The following ARHGAP9 variants were observed in gnomAD, a reference collection of about 807,000 sequenced individuals.
The protein encoded by ARHGAP9 is rho GTPase-activating protein 9.
A neutral mutation model predicts 87.3 loss-of-function variants in ARHGAP9; 76 were observed. That is an observed-to-expected ratio of 0.87 (90% confidence interval 0.72 to 1.05). ARHGAP9 has a LOEUF of 1.05. Among genes scored for constraint, ARHGAP9 ranks in the 50% least tolerant of loss-of-function variants. ARHGAP9 has a pLI of 0.00. For missense variants in ARHGAP9, 941 were observed against 960.5 expected (o/e 0.98, Z 0.27); for synonymous variants, 382 against 394.9 (o/e 0.97, Z 0.39).
At chr12:57,485,299 T>C (rs1375198097) in intron 1 of ARHGAP9, among the ~76,000 whole-genome samples, 1 of 151,028 alleles carries the variant, frequency 6.6e-6, no homozygotes, top group African/African-American at 2.4e-5. Context: ...CTCATGCCTG[T>C]AATCCCAGCG....
In ARHGAP9 at chr12:57,473,641, G is replaced by T. The variant is rs1472068677; in HGVS notation, c.1986C>A (p.Asn662Lys). Residue 662 changes from asparagine to lysine, a missense_variant, in exon 17 of 18, where the codon AAC becomes AAA. Coordinates refer to ENST00000393791, the MANE Select transcript of ARHGAP9 (RefSeq NM_032496.4). ...QELIGSMPKPNHDTLRYLLEH... is the reference protein window; with the variant it reads ...QELIGSMPKPKHDTLRYLLEH... ...CCAGGAGGTACCGTAGAGTGTCATGGTTGGGCTTTGGCATTGAGCCTATTA... is the reference window on the plus strand; with the variant it reads ...CCAGGAGGTACCGTAGAGTGTCATGTTTGGGCTTTGGCATTGAGCCTATTA... 1.2e-6 allele frequency: 2 copies of T among 1,614,006 alleles called. No individual in the cohort carries two copies. Among genetic ancestry groups the T allele is most frequent in the East Asian group, 4.5e-5 (2 of 44,864 alleles).
intron 1 of ARHGAP9, chr12:57,487,996 T>C (rs1293025006): frequency 3.0e-6 from 3 of 996,654 alleles, no homozygotes; most frequent in East Asian, 4.8e-5. Context: ...AGTGGCCTAA[T>C]ACGGAACTCC....
intron 15 of ARHGAP9, 47 bp downstream of exon 15, chr12:57,474,376 G>C (rs1332276469): frequency 6.2e-7 from 1 of 1,608,348 alleles, no homozygotes; most frequent in Admixed American, 1.7e-5. Context: ...GAAGCAAAGA[G>C]GATATGTGGA....
At chr12:57,480,995 C>T (rs1475178372), upstream of ARHGAP9, 4 of 657,672 alleles carry the variant, frequency 6.1e-6, no homozygotes, top group Non-Finnish European at 2.7e-6. Flanking sequence ...AGAATCCTAC[C>T]CCTCAACTCT....
At chr12:57,488,694 C>T in exon 1 of ARHGAP9, 1 of 1,506,580 alleles carries the variant, frequency 6.6e-7, no homozygotes, top group Non-Finnish European at 9.0e-7. Flanking sequence ...ATTTTGTTCT[C>T]CCACTGTGAC....
At chr12:57,485,872 G>C (rs1875358194) in intron 1 of ARHGAP9, among the ~76,000 whole-genome samples, 1 of 152,152 alleles carries the variant, frequency 6.6e-6, no homozygotes, top group African/African-American at 2.4e-5. Context: ...GGTCTGGAAG[G>C]CTTCACTCAC....
In ARHGAP9 at chr12:57,479,711, G is replaced by A. The variant is rs922785786; in HGVS notation, c.-19+19C>T. 1.9e-6 allele frequency: 3 copies of A among 1,550,878 alleles called. No homozygotes were observed. The African/African-American group carries it at 4.1e-5, about 21-fold the overall frequency. On this transcript the variant is annotated intron_variant, in intron 1 of 17. Transcript: ENST00000393791. ...AAATTAGAGGAGATGACCTAGGCCA[G>A]TAGTTTTCCTCCAAGTACCTTGTGG...
intron 1 of ARHGAP9, among the ~76,000 whole-genome samples, chr12:57,487,079 C>A (rs961568375): frequency 6.6e-6 from 1 of 151,438 alleles, no homozygotes; most frequent in Non-Finnish European, 1.5e-5. Context: ...CGGGTTCAGG[C>A]GATTTTTTTT....
At chr12:57,475,442 C>T (rs1873222151) in intron 11 of ARHGAP9, 41 bp downstream of exon 11, 1 of 1,576,458 alleles carries the variant, frequency 6.3e-7, no homozygotes, top group South Asian at 1.2e-5. Context: ...CCGGGAGCCT[C>T]GCTGCGCTCC....
intron 13 of ARHGAP9, 47 bp downstream of exon 13, chr12:57,474,827 AG>A (rs1410077097): frequency 1.2e-6 from 2 of 1,611,308 alleles, no homozygotes; most frequent in Non-Finnish European, 1.7e-6. Flanking sequence ...AGAAAATTCT[AG>A]GCCTTAGCCT....
intron 17 of ARHGAP9, among the ~76,000 whole-genome samples, chr12:57,473,286 A>G (rs1026423362): frequency 6.6e-6 from 1 of 152,060 alleles, no homozygotes; most frequent in Non-Finnish European, 1.5e-5. Context: ...GGTGGCGGGC[A>G]CCTGTAATCC....
At chr12:57,477,077 G>T in intron 5 of ARHGAP9, 79 bp downstream of exon 5, 1 of 1,545,690 alleles carries the variant, frequency 6.5e-7, no homozygotes, top group Non-Finnish European at 8.9e-7. Context: ...GTGGGGAATG[G>T]AGAATGTCTT....
In ARHGAP9 at chr12:57,473,713, A is replaced by G. The variant is rs1312662907; in HGVS notation, c.1919-5T>C. ...ACTGCTCTGATTCGGAGAGTGCTAG[A>G]GAGAGTGATGGGAAAGGCATGGTAG... is the stretch of plus-strand genomic sequence containing the variant. On this transcript the variant is annotated splice_region_variant and splice_polypyrimidine_tract_variant and intron_variant, in intron 16 of 17. Coordinates refer to ENST00000393791, the MANE Select transcript of ARHGAP9 (RefSeq NM_032496.4). 1 of 1,612,744 alleles carries G rather than the reference A, an allele frequency of 6.2e-7. No homozygotes were observed. Among genetic ancestry groups the G allele is most frequent in the Non-Finnish European group, 8.5e-7 (1 of 1,178,738 alleles).
intron 16 of ARHGAP9, 99 bp from the exon 17 acceptor site, chr12:57,473,807 T>C: frequency 1.6e-6 from 2 of 1,233,244 alleles, no homozygotes; most frequent in Admixed American, 2.0e-5. Context: ...ATGGAAGACA[T>C]CATTAATCTA....
At chr12:57,475,169 C>A (rs1873111138) in intron 12 of ARHGAP9, 122 bp downstream of exon 12, 1 of 1,201,564 alleles carries the variant, frequency 8.3e-7, no homozygotes, top group Non-Finnish European at 1.2e-6. Flanking sequence ...CAGCTTCTCC[C>A]CTAAACAATC....
chr12:57,478,543 G>A lies in ARHGAP9; in HGVS notation c.531C>T (p.Ser177=), dbSNP rs776057252. 1.9e-6 allele frequency: 3 copies of A among 1,613,990 alleles called. No individual in the cohort carries two copies. The highest frequency in any genetic ancestry group is 2.5e-6 in the Non-Finnish European group (3 of 1,179,940). ...QEDLPSEASA[S]TAGPQPLMSE... ...GCTCAGAAGAGCTGTGACTCACTGTGCTGGCACTGGCTTCTGACGGCAAGT... is the reference window on the plus strand; with the variant it reads ...GCTCAGAAGAGCTGTGACTCACTGTACTGGCACTGGCTTCTGACGGCAAGT... The change falls in exon 3 of 18, where the codon AGC becomes AGT. Residue 177 remains serine (S), a synonymous_variant. Coordinates refer to ENST00000393791, the MANE Select transcript of ARHGAP9 (RefSeq NM_032496.4).
upstream of ARHGAP9, among the ~76,000 whole-genome samples, chr12:57,481,755 C>G (rs1451123248): frequency 6.6e-6 from 1 of 152,288 alleles, no homozygotes; most frequent in East Asian, 1.9e-4. Context: ...ACCTTTCTCT[C>G]CTACAAACAC....
chr12:57,476,946 G>A lies in ARHGAP9; in HGVS notation c.888C>T (p.Ser296=). 1 of 1,613,772 alleles carries A rather than the reference G, an allele frequency of 6.2e-7. No homozygotes were observed. Among genetic ancestry groups the A allele is most frequent in the South Asian group, 1.1e-5 (1 of 91,062 alleles). Residue 296 remains serine, a synonymous_variant, in exon 6 of 18, where the codon AGC becomes AGT. Coordinates refer to ENST00000393791, the MANE Select transcript of ARHGAP9 (RefSeq NM_032496.4). ...GAGGGTCAAGCTGCGAGGTGCGTTG[G>A]CTGAGGCTGAGTGAACCCTAGGGGA... ...PLDPQGSLSL[S]QRTSQLDPPA... is the part of the protein sequence containing the mutation.
At chr12:57,477,026 G>A (rs1204113139) in intron 5 of ARHGAP9, 63 bp from the exon 6 acceptor site, 2 of 1,543,010 alleles carry the variant, frequency 1.3e-6, no homozygotes, top group Middle Eastern at 1.7e-4. Flanking sequence ...CTGGCTGAAG[G>A]AGGAAGAGGG....
Sources: gnomAD v4.1 joint callset for allele counts (sites outside exome capture counted in the v4.1 genomes callset) on GRCh38, gnomAD v4.1.1 for gene constraint, MANE v1.5 for transcripts, NCBI Gene and HGNC (gene_info 2026-07-23, HGNC 2026-07-21) for gene names.